The following PHF2 variants were observed in gnomAD, a reference collection of about 807,000 sequenced individuals.
The protein encoded by PHF2 is lysine-specific demethylase PHF2.
A neutral mutation model predicts 120.5 loss-of-function variants in PHF2; 27 were observed. The ratio of observed to expected loss-of-function variants is 0.22; its 90% CI spans 0.17 to 0.31. PHF2 has a LOEUF of 0.31. Among genes scored for constraint, PHF2 ranks in the 10% least tolerant of loss-of-function variants. The pLI, the probability that PHF2 is intolerant of heterozygous loss-of-function variation, is 1.00. For synonymous variants in PHF2, 568 were observed against 592.5 expected, an observed-to-expected ratio of 0.96 and a Z score of 0.60; for missense variants, 1,024 against 1,434.8, an observed-to-expected ratio of 0.71 and a Z score of 4.63.
At chr9:93,627,507 T>TTTTTTTTTA (rs1398089897) in intron 1 of PHF2, among the ~76,000 whole-genome samples, 4 of 149,760 alleles carry the variant, frequency 2.7e-5, no homozygotes, top group Non-Finnish European at 5.9e-5. Context: ...TTTTTTTTTT[T>TTTTTTTTTA]TGTCTAATTG....
chr9:93,636,877 G>T (rs1826102228), intron 3 of PHF2, among the ~76,000 whole-genome samples: 1 of 152,234 alleles, frequency 6.6e-6, no homozygotes, highest in African/African-American at 2.4e-5. Context: ...CTGCCCACAA[G>T]CATGCTCCCA....
At position 93,659,581 on chromosome 9, in the gene PHF2, A is replaced by G; in HGVS notation, c.1310A>G (p.Lys437Arg). Residue 437 changes from lysine (K) to arginine (R), a missense_variant, in exon 11 of 22, where the codon AAA becomes AGA. By Grantham distance (26) the Lys-to-Arg change is conservative. Coordinates refer to ENST00000359246, the MANE Select transcript of PHF2 (RefSeq NM_005392.4). The stretch of plus-strand genomic sequence containing the variant: ...TCACAGCTAATCAAAGACCTGGCCA[A>G]AGAGATCCGGCTCAGTGAGGTGGGG... ...KPSQLIKDLA[K>R]EIRLSENASK... is the part of the protein sequence containing the mutation. 6.2e-7 allele frequency: 1 copy of G among 1,614,062 alleles called. No individual in the cohort carries two copies. The highest frequency in any genetic ancestry group is 1.1e-5 in the South Asian group (1 of 91,076).
In PHF2 at chr9:93,658,327, G is replaced by T. The variant is rs1826496776; in HGVS notation, c.1239+91G>T. Reference sequence around the variant, plus strand: ...GACCCAGCAGCAATGTCCAGGACTTGTCCTGCTTCAGTGAGATCCAGCCTG... The same window carrying T: ...GACCCAGCAGCAATGTCCAGGACTTTTCCTGCTTCAGTGAGATCCAGCCTG... On this transcript the variant is annotated intron_variant, in intron 10 of 21. Coordinates refer to ENST00000359246, the MANE Select transcript of PHF2 (RefSeq NM_005392.4). The T allele has an allele frequency of 4.0e-6, 4 of 988,780 alleles. No homozygotes were observed. The South Asian group carries it at 4.2e-5, about 10-fold the overall frequency. 61.3% of individuals were successfully genotyped at this position (988,780 alleles called of 1,614,324 possible). A position where few individuals can be genotyped will look rare whatever the true frequency, so the allele number is the denominator to read the frequency against.
At position 93,656,009 on chromosome 9, in the gene PHF2, A is replaced by T; in HGVS notation, c.1028A>T (p.Glu343Val). 6.2e-7 allele frequency: 1 copy of T among 1,612,264 alleles called. No homozygotes were observed. Among genetic ancestry groups the T allele is most frequent in the Non-Finnish European group, 8.5e-7 (1 of 1,179,446 alleles). Reference protein sequence around the residue: ...AGHFLHSLSVEMQMRAYEVER... With the variant: ...AGHFLHSLSVVMQMRAYEVER... ...CATTTCCTCCACAGCCTGAGTGTGG[A>T]GATGCAGATGAGGTAGTGCCTGCCG... The change falls in exon 8 of 22, where the codon GAG (glutamate) becomes GTG (valine). Residue 343 changes from glutamate to valine, a missense_variant. By Grantham distance (121) the Glu-to-Val change is moderately radical. Coordinates refer to ENST00000359246, the MANE Select transcript of PHF2 (RefSeq NM_005392.4). The surrounding 1 kb of genome is among the most constrained non-coding windows in gnomAD (Gnocchi z 4.1).
chr9:93,639,345 A>G (rs546281747), intron 3 of PHF2, among the ~76,000 whole-genome samples: 1 of 152,280 alleles, frequency 6.6e-6, no homozygotes, highest in African/African-American at 2.4e-5. Context: ...TGTCAATAGA[A>G]TCGTTTTCTT....
At chr9:93,650,821 G>A (rs1262822772) in intron 5 of PHF2, among the ~76,000 whole-genome samples, 2 of 152,234 alleles carry the variant, frequency 1.3e-5, no homozygotes, top group African/African-American at 4.8e-5. Flanking sequence ...GGGTGGCTAA[G>A]GATGGCTTTA....
chr9:93,625,499 A>G (rs570667770), intron 1 of PHF2, among the ~76,000 whole-genome samples: 1 of 107,558 alleles, frequency 9.3e-6, no homozygotes, highest in East Asian at 2.6e-4. Context: ...TTTTTTGGAG[A>G]CAGAGTCTTG....
chr9:93,607,423 C>T (rs1446068150), intron 1 of PHF2, among the ~76,000 whole-genome samples: 3 of 150,340 alleles, frequency 2.0e-5, no homozygotes, highest in Non-Finnish European at 4.4e-5. Context: ...AGGCCATGCA[C>T]CAACATGCCT....
intron 1 of PHF2, among the ~76,000 whole-genome samples, chr9:93,598,230 GCATGCAGCA>G (rs1210531529): frequency 6.6e-6 from 1 of 152,224 alleles, no homozygotes; most frequent in African/African-American, 2.4e-5. Flanking sequence ...CTCACGCCAG[GCATGCAGCA>G]CACTGTGGAC....
Position 93,654,531 on chromosome 9 carries a change from A to G in PHF2, c.908A>G (p.Tyr303Cys). Residue 303 changes from tyrosine (Y) to cysteine (C), a missense_variant, in exon 7 of 22, where the codon TAC (tyrosine) becomes TGC (cysteine). Physicochemically the swap from Tyr to Cys is radical, Grantham distance 194. Coordinates refer to ENST00000359246, the MANE Select transcript of PHF2 (RefSeq NM_005392.4). ...MFFADQVDKC[Y>C]KCIVKQGQTL... ...TTTGCTGACCAGGTCGACAAATGCT[A>G]CAAGTGCATCGTCAAGCAGGGCCAG... 1 of 1,614,028 alleles carries G rather than the reference A, an allele frequency of 6.2e-7. No homozygotes were observed. The highest frequency in any genetic ancestry group is 8.5e-7 in the Non-Finnish European group (1 of 1,180,010).
chr9:93,626,864 C>T (rs1194918711), intron 1 of PHF2, among the ~76,000 whole-genome samples: 1 of 152,174 alleles, frequency 6.6e-6, no homozygotes, highest in Non-Finnish European at 1.5e-5. Context: ...GGTCTAGGAA[C>T]CCTTGTCAAA....
intron 1 of PHF2, among the ~76,000 whole-genome samples, chr9:93,621,334 C>T (rs1413485519): frequency 6.6e-6 from 1 of 152,206 alleles, no homozygotes; most frequent in African/African-American, 2.4e-5. Flanking sequence ...GCAGAAGGAC[C>T]CTTCCACCAT....
chr9:93,599,908 C>G (rs1439129330), intron 1 of PHF2, among the ~76,000 whole-genome samples: 1 of 152,168 alleles, frequency 6.6e-6, no homozygotes, highest in East Asian at 1.9e-4. Context: ...GGAGACCAGC[C>G]CTTTGTCTTT....
intron 1 of PHF2, among the ~76,000 whole-genome samples, chr9:93,582,012 G>T (rs1442491716): frequency 6.6e-6 from 1 of 152,200 alleles, no homozygotes; most frequent in African/African-American, 2.4e-5. Context: ...TTGTGCTGCG[G>T]AAGCTAACAT....
chr9:93,661,972 G>A (rs576859276), intron 12 of PHF2, among the ~76,000 whole-genome samples: 1 of 151,754 alleles, frequency 6.6e-6, no homozygotes, highest in Admixed American at 6.6e-5. Flanking sequence ...TGGAAAGGTG[G>A]ATGAACAAAC....
intron 1 of PHF2, among the ~76,000 whole-genome samples, chr9:93,627,055 T>C (rs1825925079): frequency 1.3e-5 from 2 of 152,236 alleles, no homozygotes; most frequent in African/African-American, 4.8e-5. Context: ...GTTGGGATTT[T>C]GATAGGGATT....
chr9:93,610,024 G>A (rs1205440237), intron 1 of PHF2, among the ~76,000 whole-genome samples: 1 of 151,828 alleles, frequency 6.6e-6, no homozygotes, highest in Admixed American at 6.6e-5. Context: ...TATTCTTTTT[G>A]TGTTTGATTT....
At chr9:93,644,878 G>T (rs1348448180) in intron 3 of PHF2, among the ~76,000 whole-genome samples, 1 of 152,174 alleles carries the variant, frequency 6.6e-6, no homozygotes, top group Non-Finnish European at 1.5e-5. Context: ...CCCTTTGCCT[G>T]TGGGCCCCTC....
intron 5 of PHF2, among the ~76,000 whole-genome samples, chr9:93,650,763 C>T (rs909730957): frequency 6.6e-6 from 1 of 152,224 alleles, no homozygotes; most frequent in African/African-American, 2.4e-5. Flanking sequence ...CTCTGCCCTC[C>T]AGCTGGCCCC....
Sources: gnomAD v4.1 joint callset for allele counts (sites outside exome capture counted in the v4.1 genomes callset) on GRCh38, gnomAD v4.1.1 for gene constraint, Gnocchi (gnomAD v3.1) non-coding constraint, MANE v1.5 for transcripts, NCBI Gene and HGNC (gene_info 2026-07-23, HGNC 2026-07-21) for gene names.